PCBP3: variants seen among roughly 807,000 people sequenced by gnomAD.
PCBP3 encodes the protein poly(rC)-binding protein 3.
Under a neutral mutation model 52.7 loss-of-function variants are expected in PCBP3, and 25 were observed. The ratio of observed to expected loss-of-function variants is 0.47; its 90% CI spans 0.35 to 0.66. PCBP3 has a LOEUF of 0.66. PCBP3 is among the 30% of genes least tolerant of loss of function. The probability of loss-of-function intolerance (pLI) is 0.01; values close to 1 mark genes in which losing one functional copy is unlikely to be tolerated. For synonymous variants in PCBP3, 162 were observed against 183.0 expected (o/e 0.89, Z 0.93); for missense variants, 391 against 490.3 (o/e 0.80, Z 1.91).
At chr21:45,900,934 C>T in intron 8 of PCBP3, 63 bp from the exon 9 acceptor site, 2 of 1,164,132 alleles carry the variant, frequency 1.7e-6, no homozygotes, top group Non-Finnish European at 2.6e-6. Context: ...GGACTTGCGG[C>T]CCCCGACCCA....
chr21:45,876,325 T>A (rs745943934), intron 5 of PCBP3, among the ~76,000 whole-genome samples: 5 of 152,216 alleles, frequency 3.3e-5, no homozygotes, highest in South Asian at 2.1e-4. Flanking sequence ...CACTCTTACG[T>A]GGTTCCCAAA....
chr21:45,738,721 C>T (rs1474827663), intron 3 of PCBP3, among the ~76,000 whole-genome samples: 23 of 151,490 alleles, frequency 1.5e-4, no homozygotes, highest in African/African-American at 5.3e-4. Flanking sequence ...GTAGCCCCCC[C>T]ATCTTCATCA....
intron 4 of PCBP3, among the ~76,000 whole-genome samples, chr21:45,824,857 A>T (rs998672703): frequency 6.6e-6 from 1 of 152,248 alleles, no homozygotes; most frequent in African/African-American, 2.4e-5. Flanking sequence ...CTGGCAGGAC[A>T]TGGGGCCATT....
At chr21:45,698,871 G>T (rs2082943379) in intron 2 of PCBP3, among the ~76,000 whole-genome samples, 1 of 152,220 alleles carries the variant, frequency 6.6e-6, no homozygotes, top group Non-Finnish European at 1.5e-5. Flanking sequence ...AAGTGTCTTT[G>T]CTGTGGGGTG....
chr21:45,868,284 G>C (rs1275814649), intron 5 of PCBP3, among the ~76,000 whole-genome samples: 2 of 152,218 alleles, frequency 1.3e-5, no homozygotes, highest in African/African-American at 4.8e-5. Flanking sequence ...GGCTTCCTCT[G>C]TCTGCGCGGT....
intron 4 of PCBP3, among the ~76,000 whole-genome samples, chr21:45,772,067 C>A (rs898763030): frequency 6.6e-6 from 1 of 152,138 alleles, no homozygotes; most frequent in African/African-American, 2.4e-5. Context: ...GTGTAGTGAT[C>A]AAGTCAGGAT....
At chr21:45,876,671 A>C (rs2839034) in intron 5 of PCBP3, among the ~76,000 whole-genome samples, 54,491 of 152,170 alleles carry the variant, frequency 0.36, 11,367 homozygotes, top group East Asian at 0.67. Context: ...TGTGGCAGCT[A>C]ATCTGCCCTG....
At chr21:45,902,100 G>A (rs1047932715) in intron 9 of PCBP3, among the ~76,000 whole-genome samples, 2 of 152,246 alleles carry the variant, frequency 1.3e-5, no homozygotes, top group African/African-American at 4.8e-5. Flanking sequence ...CCAGCAGTAG[G>A]GCTAGAAGTG....
Position 45,710,984 on chromosome 21 carries a change from T to TTG in PCBP3, c.-199-24396_-199-24395dup, listed in dbSNP as rs1020088980. 3.3e-5 allele frequency among the ~76,000 whole-genome samples: 5 copies of TTG among 152,228 alleles called. No individual in the cohort carries two copies. The East Asian group carries it at 7.7e-4, about 24-fold the overall frequency. On this transcript the variant is annotated intron_variant, in intron 2 of 17. Coordinates refer to ENST00000681687, the MANE Select transcript of PCBP3 (RefSeq NM_001384156.1). ...GTGTCCCTTTGACATACCCACATCATTGTGTGTGTGTGTTTTGTTTTTAAG... is the reference window on the plus strand; with the variant it reads ...GTGTCCCTTTGACATACCCACATCATTGTGTGTGTGTGTGTTTTGTTTTTAAG...
In PCBP3 at chr21:45,800,715, G is replaced by A. The variant is rs1164644957; in HGVS notation, c.-126+45263G>A. ...TGGGTGAGGTGGCCCTCCCACCTGG[G>A]CCATGTGCCTCACTATGCCTAGGCC... is the stretch of plus-strand genomic sequence containing the variant. On this transcript the variant is annotated intron_variant, in intron 4 of 17. Transcript: ENST00000681687. The surrounding 1 kb of genome is among the most constrained non-coding windows in gnomAD (Gnocchi z 5.3). Among the ~76,000 whole-genome samples the A allele has an allele frequency of 6.6e-6, 1 of 152,226 alleles. No individual in the cohort carries two copies. The highest frequency in any genetic ancestry group is 2.4e-5 in the African/African-American group (1 of 41,464).
chr21:45,810,687 G>A (rs1267863816), intron 4 of PCBP3, among the ~76,000 whole-genome samples: 32 of 152,168 alleles, frequency 2.1e-4, no homozygotes, highest in South Asian at 2.1e-4. Flanking sequence ...CTTGGTTTAC[G>A]CAATGACTTT....
chr21:45,664,338 G>A (rs1165586517), intron 1 of PCBP3, among the ~76,000 whole-genome samples: 1 of 146,422 alleles, frequency 6.8e-6, no homozygotes, highest in African/African-American at 2.5e-5. Flanking sequence ...TATCAACCTA[G>A]AACTCCATAT....
intron 4 of PCBP3, among the ~76,000 whole-genome samples, chr21:45,831,408 C>CAAA (rs59400163): frequency 5.0e-4 from 43 of 86,492 alleles, no homozygotes; most frequent in South Asian, 1.0e-3. Context: ...GATGCTGTCT[C>CAAA]AAAAAAAAAA....
intron 5 of PCBP3, chr21:45,871,427 C>T (rs2095015994): frequency 6.5e-6 from 1 of 154,654 alleles, no homozygotes; most frequent in South Asian, 1.9e-4. Context: ...CCTCCCTCCA[C>T]CCGCACCCAG....
At chr21:45,680,041 C>T (rs2147506166) in intron 2 of PCBP3, among the ~76,000 whole-genome samples, 1 of 152,302 alleles carries the variant, frequency 6.6e-6, no homozygotes, top group East Asian at 1.9e-4. Context: ...CTGTGGTTCT[C>T]TATAGTATTT....
intron 9 of PCBP3, among the ~76,000 whole-genome samples, chr21:45,902,941 G>A (rs891538058): frequency 3.3e-5 from 5 of 152,262 alleles, no homozygotes; most frequent in Admixed American, 6.5e-5. Context: ...GATTCCCACT[G>A]TGGGGGACAC....
At chr21:45,926,915 G>A (rs769428853) in intron 13 of PCBP3, among the ~76,000 whole-genome samples, 8 of 152,302 alleles carry the variant, frequency 5.3e-5, no homozygotes, top group East Asian at 1.9e-4. Context: ...ATGGGAGAGC[G>A]GGGAGAAGAT....
chr21:45,667,247 A>G (rs1334372925), intron 1 of PCBP3, among the ~76,000 whole-genome samples: 3 of 151,408 alleles, frequency 2.0e-5, no homozygotes, highest in African/African-American at 7.3e-5. Flanking sequence ...ACCTTAAGCC[A>G]TCCTTCCACC....
intron 5 of PCBP3, among the ~76,000 whole-genome samples, chr21:45,883,767 ATTG>A (rs1024337777): frequency 6.6e-6 from 1 of 151,958 alleles, no homozygotes; most frequent in Non-Finnish European, 1.5e-5. Flanking sequence ...GTTTGCTTAT[ATTG>A]TTCTATTTGA....
Sources: allele counts gnomAD v4.1 joint callset (sites outside exome capture counted in the v4.1 genomes callset), GRCh38; gene constraint gnomAD v4.1.1; non-coding constraint Gnocchi (gnomAD v3.1); transcripts MANE v1.5; gene names NCBI Gene and HGNC (gene_info 2026-07-23, HGNC 2026-07-21).